The following SAXO5 variants were observed in gnomAD, a reference collection of about 807,000 sequenced individuals.
SAXO5 encodes the protein testis expressed 45.
At chr19:7,504,099 C>CA in the SAXO5 span, 1 of 868,184 alleles carries the variant, frequency 1.2e-6, no homozygotes. Context: ...TCTCTCCCCC[C>CA]ATCCCCCTTG....
chr19:7,498,402 T>TC, the SAXO5 span, among the ~76,000 whole-genome samples: 1 of 146,814 alleles, frequency 6.8e-6, no homozygotes, highest in Non-Finnish European at 1.5e-5. Context: ...TCTTTTTTTT[T>TC]TTTTTTTTTT....
At chr19:7,506,160 C>T in the SAXO5 span, 26 of 1,604,354 alleles carry the variant, frequency 1.6e-5, no homozygotes, top group South Asian at 2.7e-4. Context: ...CCGCGGGGCA[C>T]GGGCGGTGAG....
chr19:7,506,138 C>G, the SAXO5 span: 1 of 1,611,114 alleles, frequency 6.2e-7, no homozygotes, highest in African/African-American at 1.3e-5. Context: ...CCACTTGCAG[C>G]AAAGCTACCT....
chr19:7,501,294 C>G, the SAXO5 span: 1 of 1,573,138 alleles, frequency 6.4e-7, no homozygotes, highest in Non-Finnish European at 8.5e-7. Flanking sequence ...CGACTCCCTG[C>G]CTCCTGGCGA....
chr19:7,500,498 CAG>C, the SAXO5 span, among the ~76,000 whole-genome samples: 1 of 151,920 alleles, frequency 6.6e-6, no homozygotes, highest in African/African-American at 2.4e-5. Flanking sequence ...TTAGTACAGA[CAG>C]GGTTTCACCA....
At chr19:7,504,094 C>A in the SAXO5 span, 14 of 1,505,628 alleles carry the variant, frequency 9.3e-6, no homozygotes, top group Non-Finnish European at 1.3e-5. Flanking sequence ...CTCTCTCTCT[C>A]CCCCCATCCC....
At chr19:7,506,812 C>T in the SAXO5 span, 4 of 489,066 alleles carry the variant, frequency 8.2e-6, no homozygotes, top group South Asian at 4.4e-5. Context: ...CCCACCTCCT[C>T]CCTCTTCCCC....
the SAXO5 span, among the ~76,000 whole-genome samples, chr19:7,500,148 C>T: frequency 6.6e-6 from 1 of 152,010 alleles, no homozygotes. Context: ...CATCTCCCGC[C>T]CCATTATCAA....
chr19:7,508,338 C>T, the SAXO5 span: 2 of 1,613,958 alleles, frequency 1.2e-6, no homozygotes, highest in Non-Finnish European at 1.7e-6. Context: ...GGGCTTCGTG[C>T]CCCTGGGCAC....
At chr19:7,498,170 T>TACACACACACACACACATAC in the SAXO5 span, among the ~76,000 whole-genome samples, 3 of 142,434 alleles carry the variant, frequency 2.1e-5, no homozygotes, top group Admixed American at 7.0e-5. Flanking sequence ...CACACACACA[T>TACACACACACACACACATAC]ACACACACAC....
chr19:7,506,181 A>AATCCCCGCCCCATGG, the SAXO5 span: 1 of 1,486,204 alleles, frequency 6.7e-7, no homozygotes, highest in Non-Finnish European at 9.0e-7. Context: ...CGCTCCCGGG[A>AATCCCCGCCCCATGG]AGCCCCGCCC....
the SAXO5 span, chr19:7,505,853 AGAAGGGGTGAGGG>A: frequency 4.4e-6 from 5 of 1,147,026 alleles, no homozygotes; most frequent in Non-Finnish European, 5.0e-6. Flanking sequence ...GGTGGGGCCC[AGAAGGGGTGAGGG>A]AGCTGTCCAA....
the SAXO5 span, chr19:7,500,788 A>T: frequency 4.3e-5 from 61 of 1,421,738 alleles, no homozygotes; most frequent in Non-Finnish European, 5.5e-5. Flanking sequence ...TCAGTCCCTC[A>T]TCTCCACCCT....
At chr19:7,505,740 G>A in the SAXO5 span, 8 of 1,091,352 alleles carry the variant, frequency 7.3e-6, no homozygotes, top group Non-Finnish European at 1.1e-5. Flanking sequence ...GGAATCTCCT[G>A]GATGTACTTG....
At chr19:7,503,903 G>C in the SAXO5 span, among the ~76,000 whole-genome samples, 151 of 152,260 alleles carry the variant, frequency 9.9e-4, no homozygotes, top group African/African-American at 3.4e-3. Flanking sequence ...TGAATAGCTG[G>C]GATTACAGGC....
chr19:7,507,038 C>A, the SAXO5 span: 1 of 1,611,224 alleles, frequency 6.2e-7, no homozygotes, highest in Non-Finnish European at 8.5e-7. Flanking sequence ...ACTCAGCCTC[C>A]CCAACCTGAA....
At chr19:7,501,916 AGGAAGGGAGG>A in the SAXO5 span, among the ~76,000 whole-genome samples, 1 of 98,180 alleles carries the variant, frequency 1.0e-5, no homozygotes, top group African/African-American at 4.7e-5. Context: ...CAAGACAGAG[AGGAAGGGAGG>A]GAGGGAGGGA....
the SAXO5 span, among the ~76,000 whole-genome samples, chr19:7,505,069 C>T: frequency 7.9e-5 from 12 of 151,860 alleles, 1 homozygote; most frequent in East Asian, 1.7e-3. Flanking sequence ...CTGCAACCTC[C>T]GCCTCCCGGG....
chr19:7,506,131 C>G, the SAXO5 span: 2 of 1,612,162 alleles, frequency 1.2e-6, no homozygotes, highest in Non-Finnish European at 1.7e-6. Context: ...CCAACCTCCA[C>G]TTGCAGCAAA....
Sources: gnomAD v4.1 joint callset for allele counts (sites outside exome capture counted in the v4.1 genomes callset) on GRCh38, gnomAD v4.1.1 for gene constraint, MANE v1.5 for transcripts, NCBI Gene and HGNC (gene_info 2026-07-23, HGNC 2026-07-21) for gene names.